Variants in PLCE1 observed in about 807,000 individuals in gnomAD.
PLCE1 encodes 1-phosphatidylinositol 4,5-bisphosphate phosphodiesterase epsilon-1.
In PLCE1, 119 loss-of-function variants were observed where a neutral mutation model predicts 242.8. The ratio of observed to expected loss-of-function variants is 0.49; its 90% CI spans 0.42 to 0.57. The LOEUF (loss-of-function observed/expected upper bound fraction) is 0.57. PLCE1 is among the 20% of genes least tolerant of loss of function. The pLI, the probability that PLCE1 is intolerant of heterozygous loss-of-function variation, is 0.00. For synonymous variants in PLCE1, 945 were observed against 1,017.4 expected (o/e 0.93, Z 1.35); for missense variants, 2,441 against 2,788.8 (o/e 0.88, Z 2.81).
intron 1 of PLCE1, among the ~76,000 whole-genome samples, chr10:94,002,702 C>T (rs2060954901): frequency 1.3e-5 from 2 of 152,266 alleles, no homozygotes; most frequent in Admixed American, 1.3e-4. Flanking sequence ...GCTTGGCCCT[C>T]TTGGTTTTGG....
chr10:94,102,619 C>A (rs148365981), intron 2 of PLCE1, among the ~76,000 whole-genome samples: 1 of 152,324 alleles, frequency 6.6e-6, no homozygotes, highest in East Asian at 1.9e-4. Flanking sequence ...GTTTGAGTGA[C>A]CTGACCAAGG....
At chr10:94,297,293 G>C (rs2052861359) in intron 23 of PLCE1, among the ~76,000 whole-genome samples, 2 of 152,110 alleles carry the variant, frequency 1.3e-5, no homozygotes, top group South Asian at 4.1e-4. Flanking sequence ...TGAGGCACAA[G>C]GAGAGGGAGG....
chr10:94,091,912 G>A (rs1049249355), intron 2 of PLCE1, among the ~76,000 whole-genome samples: 1 of 152,130 alleles, frequency 6.6e-6, no homozygotes, highest in African/African-American at 2.4e-5. Context: ...TTGTAGATTG[G>A]CAAAATACCT....
At chr10:94,017,786 T>C (rs1414924414) in intron 1 of PLCE1, among the ~76,000 whole-genome samples, 1 of 152,188 alleles carries the variant, frequency 6.6e-6, no homozygotes, top group Non-Finnish European at 1.5e-5. Context: ...GGAAAATGTT[T>C]TGCTTAGTGT....
chr10:94,241,540 C>A (rs1302840621), intron 7 of PLCE1, among the ~76,000 whole-genome samples: 1 of 152,164 alleles, frequency 6.6e-6, no homozygotes, highest in Non-Finnish European at 1.5e-5. Flanking sequence ...CCCTGTAATC[C>A]CAGCACTTTG....
chr10:94,259,179 T>C (rs373975450), intron 13 of PLCE1, 29 bp downstream of exon 13: 1 of 1,612,362 alleles, frequency 6.2e-7, no homozygotes, highest in African/African-American at 1.3e-5. Context: ...GATTTCCCTT[T>C]GGGATCAATC....
At chr10:94,153,553 A>C (rs553764155) in intron 3 of PLCE1, among the ~76,000 whole-genome samples, 7 of 152,298 alleles carry the variant, frequency 4.6e-5, no homozygotes, top group African/African-American at 1.7e-4. Flanking sequence ...CAGTTAGGCA[A>C]CAAAAATAAA....
chr10:94,150,156 T>C (rs572065779), intron 3 of PLCE1, among the ~76,000 whole-genome samples: 5 of 152,342 alleles, frequency 3.3e-5, no homozygotes, highest in East Asian at 3.9e-4. Flanking sequence ...TATGGAAACA[T>C]GCGGGCCTTC....
chr10:94,178,886 G>A (rs2048209354), intron 4 of PLCE1, among the ~76,000 whole-genome samples: 1 of 152,200 alleles, frequency 6.6e-6, no homozygotes, highest in East Asian at 1.9e-4. Flanking sequence ...ATTGAACCAT[G>A]TTTAGAAACG....
chr10:94,062,432 C>G (rs1226687564), intron 2 of PLCE1, among the ~76,000 whole-genome samples: 1 of 152,128 alleles, frequency 6.6e-6, no homozygotes, highest in Admixed American at 6.6e-5. Context: ...GCAGTCCACT[C>G]TGCCCAGCTC....
At chr10:94,222,047 T>G (rs1027670205) in intron 4 of PLCE1, among the ~76,000 whole-genome samples, 2 of 152,154 alleles carry the variant, frequency 1.3e-5, no homozygotes, top group Admixed American at 1.3e-4. Context: ...CTGGATGGCC[T>G]GCCTGTCTGC....
At chr10:94,129,070 C>T (rs1445380432) in intron 2 of PLCE1, among the ~76,000 whole-genome samples, 1 of 152,204 alleles carries the variant, frequency 6.6e-6, no homozygotes. Context: ...GACCTCCCTA[C>T]ATTAGGCACT....
Position 94,262,583 on chromosome 10 carries a change from A to C in PLCE1, c.3904A>C (p.Ile1302Leu). The C allele has an allele frequency of 6.2e-7, 1 of 1,614,084 alleles. No individual in the cohort carries two copies. The highest frequency in any genetic ancestry group is 2.2e-5 in the East Asian group (1 of 44,866). The change falls in exon 14 of 33, where the codon ATT becomes CTT. Residue 1302 changes from isoleucine (I) to leucine (L), a missense_variant. By Grantham distance (5) the Ile-to-Leu change is conservative (BLOSUM62 2). Coordinates refer to ENST00000371380, the MANE Select transcript of PLCE1 (RefSeq NM_016341.4). Reference protein sequence around the residue: ...SDNQRQISDAIAAASIVTNGT... With the variant: ...SDNQRQISDALAAASIVTNGT... The stretch of plus-strand genomic sequence containing the variant: ...CAACCAGAGGCAGATATCTGATGCC[A>C]TTGCTGCTGCAAGCATTGTGACAAA...
At chr10:94,295,211 C>T (rs545353779) in intron 23 of PLCE1, among the ~76,000 whole-genome samples, 1 of 152,048 alleles carries the variant, frequency 6.6e-6, no homozygotes, top group East Asian at 1.9e-4. Context: ...CCACCGCGCC[C>T]GGCCATGGTA....
At position 94,325,055 on chromosome 10, in the gene PLCE1, G is replaced by C. The variant is rs1309552948; in HGVS notation, c.6884G>C (p.Ser2295Thr). The C allele has an allele frequency of 1.2e-6, 2 of 1,614,156 alleles. No individual in the cohort carries two copies. Among genetic ancestry groups the C allele is most frequent in the African/African-American group, 1.3e-5 (1 of 75,054 alleles). Residue 2295 changes from serine (S) to threonine (T), a missense_variant, in exon 32 of 33, where the codon AGT becomes ACT. Physicochemically the swap from Ser to Thr is moderately conservative, Grantham distance 58 (BLOSUM62 1). Around this residue, in one of 5 missense-constraint regions of PLCE1, gnomAD observed 310 missense variants for 317.2 expected, o/e 0.98. Transcript: ENST00000371380. ...EEKPVGGLSS[S>T]DTMDYRQ ...AAACCTGTGGGTGGCTTGTCCTCCA[G>C]TGACACAATGGATTACCGACAGTGA...
intron 2 of PLCE1, among the ~76,000 whole-genome samples, chr10:94,078,275 A>T (rs2044561717): frequency 6.6e-6 from 1 of 152,198 alleles, no homozygotes; most frequent in South Asian, 2.1e-4. Context: ...AGTGATGTGC[A>T]GCATTTAGTC....
chr10:94,193,268 G>A (rs1317355783), intron 4 of PLCE1, among the ~76,000 whole-genome samples: 1 of 152,168 alleles, frequency 6.6e-6, no homozygotes, highest in African/African-American at 2.4e-5. Context: ...GCAGGGATGG[G>A]AAACTAGGGT....
At chr10:94,010,391 A>G (rs2061146369) in intron 1 of PLCE1, among the ~76,000 whole-genome samples, 3 of 152,198 alleles carry the variant, frequency 2.0e-5, no homozygotes, top group Admixed American at 2.0e-4. Context: ...AATGCCTTCA[A>G]GGCCTTTTTC....
At chr10:94,184,920 T>C (rs890273430) in intron 4 of PLCE1, among the ~76,000 whole-genome samples, 1 of 152,212 alleles carries the variant, frequency 6.6e-6, no homozygotes, top group African/African-American at 2.4e-5. Flanking sequence ...TTTTTATGCA[T>C]GGTACCATCT....
Sources: gnomAD v4.1 joint callset for allele counts (sites outside exome capture counted in the v4.1 genomes callset) on GRCh38, gnomAD v4.1.1 for gene constraint, gnomAD v4.1.1 regional missense constraint, MANE v1.5 for transcripts, NCBI Gene and HGNC (gene_info 2026-07-23, HGNC 2026-07-21) for gene names.